The following NHERF1 variants were observed in gnomAD, a reference collection of about 807,000 sequenced individuals.
NHERF1 encodes the protein Na(+)/H(+) exchange regulatory cofactor NHE-RF1.
chr17:74,751,193 C>G, the NHERF1 span, among the ~76,000 whole-genome samples: 1 of 152,132 alleles, frequency 6.6e-6, no homozygotes, highest in Non-Finnish European at 1.5e-5. This position sits in a 1 kb window ranked among gnomAD's most constrained non-coding sequence, Gnocchi z 4.3. Context: ...CGTTTGAATC[C>G]CAGCTCCTCT....
At chr17:74,756,282 T>TC in the NHERF1 span, among the ~76,000 whole-genome samples, 3 of 125,744 alleles carry the variant, frequency 2.4e-5, no homozygotes, top group African/African-American at 9.0e-5. Flanking sequence ...TCTTTTTTTT[T>TC]TTTTTTTTTT....
the NHERF1 span, among the ~76,000 whole-genome samples, chr17:74,751,041 C>T: frequency 4.0e-4 from 61 of 152,302 alleles, no homozygotes; most frequent in African/African-American, 8.2e-4. The surrounding 1 kb of genome is among the most constrained non-coding windows in gnomAD (Gnocchi z 4.3). Flanking sequence ...CAGCCAAGTC[C>T]CAGGACTTCT....
the NHERF1 span, among the ~76,000 whole-genome samples, chr17:74,753,529 C>A: frequency 5.3e-5 from 8 of 152,222 alleles, no homozygotes; most frequent in South Asian, 1.5e-3. Context: ...ACAGTGTAGC[C>A]CCTGGTTCTT....
the NHERF1 span, among the ~76,000 whole-genome samples, chr17:74,765,668 C>T: frequency 6.6e-6 from 1 of 151,906 alleles, no homozygotes; most frequent in East Asian, 1.9e-4. Context: ...TCTCCTGCCT[C>T]AGCCTCCTGA....
At chr17:74,758,471 C>T in the NHERF1 span, among the ~76,000 whole-genome samples, 4 of 152,220 alleles carry the variant, frequency 2.6e-5, no homozygotes, top group African/African-American at 9.6e-5. The surrounding 1 kb of genome is among the most constrained non-coding windows in gnomAD (Gnocchi z 4.3). Context: ...CGCTGCCCAT[C>T]GGCTGCATGG....
the NHERF1 span, among the ~76,000 whole-genome samples, chr17:74,765,756 T>A: frequency 6.6e-5 from 10 of 152,222 alleles, no homozygotes; most frequent in Admixed American, 6.5e-4. Flanking sequence ...TTCGCCATGT[T>A]GGCCAGGCTG....
the NHERF1 span, chr17:74,749,423 G>A: frequency 2.4e-5 from 20 of 846,084 alleles, no homozygotes; most frequent in Non-Finnish European, 2.3e-5. The surrounding 1 kb of genome is among the most constrained non-coding windows in gnomAD (Gnocchi z 5.6). Context: ...GACCGCTTCC[G>A]CCCGCCGACC....
At chr17:74,761,239 C>T in the NHERF1 span, among the ~76,000 whole-genome samples, 1 of 152,128 alleles carries the variant, frequency 6.6e-6, no homozygotes, top group Non-Finnish European at 1.5e-5. This position sits in a 1 kb window ranked among gnomAD's most constrained non-coding sequence, Gnocchi z 4.3. Context: ...CTGCTTTTCC[C>T]AGTCCCCTCC....
chr17:74,748,868 G>A, the NHERF1 span: 3 of 1,595,158 alleles, frequency 1.9e-6, no homozygotes, highest in Admixed American at 5.0e-5. The surrounding 1 kb of genome is among the most constrained non-coding windows in gnomAD (Gnocchi z 4.3). Flanking sequence ...CGCAGCGGCC[G>A]GGGCGCCCCT....
chr17:74,752,677 A>G, the NHERF1 span, among the ~76,000 whole-genome samples: 1 of 152,276 alleles, frequency 6.6e-6, no homozygotes, highest in Admixed American at 6.5e-5. Flanking sequence ...AATTCTTTGT[A>G]GAGATGGAGT....
the NHERF1 span, among the ~76,000 whole-genome samples, chr17:74,766,151 T>G: frequency 2.6e-5 from 4 of 152,148 alleles, no homozygotes; most frequent in African/African-American, 9.7e-5. Flanking sequence ...AAGATCAATT[T>G]AGTAGATAGA....
At chr17:74,761,459 G>C in the NHERF1 span, among the ~76,000 whole-genome samples, 1 of 152,212 alleles carries the variant, frequency 6.6e-6, no homozygotes, top group Non-Finnish European at 1.5e-5. This position sits in a 1 kb window ranked among gnomAD's most constrained non-coding sequence, Gnocchi z 4.3. Flanking sequence ...GGGTGAGAGA[G>C]AGTTCGAGTA....
chr17:74,767,551 T>A, the NHERF1 span, among the ~76,000 whole-genome samples: 1 of 152,164 alleles, frequency 6.6e-6, no homozygotes, highest in Non-Finnish European at 1.5e-5. Context: ...GCTTAAAGGT[T>A]CCCCTTCCCT....
chr17:74,757,678 G>A, the NHERF1 span, among the ~76,000 whole-genome samples: 1 of 152,088 alleles, frequency 6.6e-6, no homozygotes, highest in African/African-American at 2.4e-5. Flanking sequence ...CCAGAATCTG[G>A]GGAACAAACT....
chr17:74,766,393 G>A, the NHERF1 span, among the ~76,000 whole-genome samples: 1 of 151,974 alleles, frequency 6.6e-6, no homozygotes, highest in African/African-American at 2.4e-5. Context: ...AGTAGAGACG[G>A]GGTTTCACCA....
At chr17:74,748,739 G>T in the NHERF1 span, 1 of 1,044,834 alleles carries the variant, frequency 9.6e-7, no homozygotes, top group Non-Finnish European at 1.4e-6. The surrounding 1 kb of genome is among the most constrained non-coding windows in gnomAD (Gnocchi z 4.3). Flanking sequence ...GGCGGCTCAG[G>T]GCTTCTCTGC....
the NHERF1 span, chr17:74,768,675 G>C: frequency 1.2e-6 from 2 of 1,609,482 alleles, no homozygotes; most frequent in Non-Finnish European, 1.7e-6. Context: ...CTGCCACCCA[G>C]TGACTGGCAG....
the NHERF1 span, among the ~76,000 whole-genome samples, chr17:74,749,640 T>C: frequency 1.3e-5 from 2 of 152,156 alleles, no homozygotes; most frequent in Non-Finnish European, 2.9e-5. This position sits in a 1 kb window ranked among gnomAD's most constrained non-coding sequence, Gnocchi z 5.6. Context: ...ATCCTGCTCC[T>C]TCCCTGGTGC....
the NHERF1 span, chr17:74,762,127 C>T: frequency 1.2e-6 from 2 of 1,614,028 alleles, no homozygotes; most frequent in African/African-American, 2.7e-5. This position sits in a 1 kb window ranked among gnomAD's most constrained non-coding sequence, Gnocchi z 4.2. Flanking sequence ...GACCCAGACT[C>T]CCCGGCTGAG....
Sources: allele counts gnomAD v4.1 joint callset (sites outside exome capture counted in the v4.1 genomes callset), GRCh38; gene constraint gnomAD v4.1.1; non-coding constraint Gnocchi (gnomAD v3.1); transcripts MANE v1.5; gene names NCBI Gene and HGNC (gene_info 2026-07-23, HGNC 2026-07-21).